Variants in PMM1 observed in about 807,000 individuals in gnomAD.
PMM1 encodes brain glucose-1,6-bisphosphatase.
PMM1 carries 25 observed loss-of-function variants against 34.0 expected under a neutral mutation model. That is an observed-to-expected ratio of 0.73 (90% confidence interval 0.54 to 1.03). The LOEUF (loss-of-function observed/expected upper bound fraction) is 1.03. Among genes scored for constraint, PMM1 ranks in the 50% least tolerant of loss-of-function variants. The pLI, the probability that PMM1 is intolerant of heterozygous loss-of-function variation, is 0.00. For synonymous variants in PMM1, 134 were observed against 143.9 expected (o/e 0.93, Z 0.49); for missense variants, 321 against 350.1 (o/e 0.92, Z 0.66).
rs1449383182 is a variant in PMM1, at chr22:41,589,785, T to A, written c.21A>T (p.Ala7=). Residue 7 remains alanine (A), a synonymous_variant, in exon 1 of 8, where the codon GCA becomes GCT. Transcript: ENST00000216259. MAVTAQ[A]ARRKERVLCL... The stretch of plus-strand genomic sequence containing the variant: ...AGAGGACGCGCTCCTTCCTGCGGGC[T>A]GCCTGGGCGGTGACTGCCATGGCTG... 1 of 1,608,946 alleles carries A rather than the reference T, an allele frequency of 6.2e-7. No individual in the cohort carries two copies. Among genetic ancestry groups the A allele is most frequent in the Non-Finnish European group, 8.5e-7 (1 of 1,178,490 alleles).
rs1311455919 is a variant in PMM1 at position 41,577,232 on chromosome 22, G to A, written c.*86C>T. ...GCAGGCGTCCTGGGCCAGAGGAGGG[G>A]CCCTGGCATCTATCCAACACCAGGA... is the stretch of plus-strand genomic sequence containing the variant. On this transcript the variant is annotated 3_prime_UTR_variant, in exon 8 of 8. Coordinates refer to ENST00000216259, the MANE Select transcript of PMM1 (RefSeq NM_002676.3). The A allele has an allele frequency of 6.4e-7, 1 of 1,563,284 alleles. No individual in the cohort carries two copies.
At chr22:41,586,042 TC>T (rs1473392477) in intron 2 of PMM1, 33 bp downstream of exon 2, 2 of 1,497,364 alleles carry the variant, frequency 1.3e-6, no homozygotes, top group Non-Finnish European at 1.8e-6. Flanking sequence ...TCTCTCAAAC[TC>T]CCCACTCCCT....
intron 2 of PMM1, chr22:41,584,833 G>T: frequency 4.1e-6 from 2 of 482,838 alleles, no homozygotes; most frequent in Non-Finnish European, 7.4e-6. Context: ...ATCCATGCAG[G>T]TCCTTCTGTC....
At chr22:41,588,160 C>T (rs996964346) in intron 1 of PMM1, among the ~76,000 whole-genome samples, 17 of 152,354 alleles carry the variant, frequency 1.1e-4, no homozygotes, top group Admixed American at 8.5e-4. Flanking sequence ...AATCGATTCT[C>T]CTGCCTCTGC....
chr22:41,577,231 G>A lies in PMM1; in HGVS notation c.*87C>T. 1 of 1,563,090 alleles carries A rather than the reference G, an allele frequency of 6.4e-7. No individual in the cohort carries two copies. The highest frequency in any genetic ancestry group is 8.8e-7 in the Non-Finnish European group (1 of 1,142,738). ...AGCAGGCGTCCTGGGCCAGAGGAGG[G>A]GCCCTGGCATCTATCCAACACCAGG... On this transcript the variant is annotated 3_prime_UTR_variant, in exon 8 of 8. Transcript: ENST00000216259.
chr22:41,584,916 T>G, intron 2 of PMM1: 1 of 300,142 alleles, frequency 3.3e-6, no homozygotes, highest in East Asian at 7.0e-5. Flanking sequence ...AGCCATGCAG[T>G]ACTCTCTGGC....
At chr22:41,578,005 A>G (rs1273070976) in intron 6 of PMM1, 82 bp from the exon 7 acceptor site, 23 of 1,030,422 alleles carry the variant, frequency 2.2e-5, no homozygotes, top group African/African-American at 3.1e-5. Context: ...TCATTCATTC[A>G]TTCAACAACC....
chr22:41,583,660 G>C (rs961084392), intron 5 of PMM1, among the ~76,000 whole-genome samples: 2 of 152,014 alleles, frequency 1.3e-5, no homozygotes, highest in Non-Finnish European at 2.9e-5. Flanking sequence ...ACACTGACTC[G>C]AGAGGCTGAT....
chr22:41,584,822 C>T (rs2067289717), intron 2 of PMM1: 2 of 523,500 alleles, frequency 3.8e-6, no homozygotes, highest in Non-Finnish European at 3.4e-6. Flanking sequence ...TGCACACAGG[C>T]ATCCATGCAG....
intron 5 of PMM1, chr22:41,580,543 G>A (rs771043654): frequency 2.6e-5 from 4 of 152,204 alleles, no homozygotes; most frequent in Non-Finnish European, 4.4e-5. Flanking sequence ...TGAGGCACAC[G>A]TTAGTAAAGA....
chr22:41,583,222 G>A (rs1171231130), intron 5 of PMM1, among the ~76,000 whole-genome samples: 1 of 152,180 alleles, frequency 6.6e-6, no homozygotes, highest in Admixed American at 6.5e-5. Context: ...GCTCATGCCT[G>A]TAATCCCAGA....
chr22:41,577,359 ATC>A lies in PMM1; in HGVS notation c.746_747del (p.Arg249LeufsTer12). 5 of 1,613,000 alleles carry A rather than the reference ATC, an allele frequency of 3.1e-6. No individual in the cohort carries two copies. Among genetic ancestry groups the A allele is most frequent in the Non-Finnish European group, 3.4e-6 (4 of 1,180,004 alleles). On this transcript the variant is annotated frameshift_variant, in exon 8 of 8. Coordinates refer to ENST00000216259, the MANE Select transcript of PMM1 (RefSeq NM_002676.3). LOFTEE classifies it high-confidence loss of function. ...SVVSPQDTVQ[R>X]CREIFFPETA... ...GTCTCTGGGAAGAAAATCTCCCGGC[ATC>A]GCTGCACCGTGTCCTGAGGAGACAC...
chr22:41,578,727 G>T, intron 6 of PMM1, 79 bp downstream of exon 6: 1 of 1,237,578 alleles, frequency 8.1e-7, no homozygotes, highest in South Asian at 1.2e-5. Flanking sequence ...GGGGGCCACA[G>T]CCTGGTCTTG....
Position 41,578,801 on chromosome 22 carries a change from C to T in PMM1, c.550+5G>A, listed in dbSNP as rs35330287. ...CCTCCCAGGTCCTCTGCAGGGTGGA[C>T]GTACCTCGAGAGAACCTCAGCCCTT... On this transcript the variant is annotated splice_donor_5th_base_variant and intron_variant, in intron 6 of 7. Coordinates refer to ENST00000216259, the MANE Select transcript of PMM1 (RefSeq NM_002676.3). The T allele has an allele frequency of 6.4e-4, 1,029 of 1,613,108 alleles. 2 individuals are homozygous for T. Among genetic ancestry groups the T allele is most frequent in the African/African-American group, 2.5e-3 (186 of 74,996 alleles).
At chr22:41,587,144 C>CT (rs1283292615) in intron 1 of PMM1, among the ~76,000 whole-genome samples, 1 of 151,910 alleles carries the variant, frequency 6.6e-6, no homozygotes, top group Non-Finnish European at 1.5e-5. Flanking sequence ...TGGCACGCGC[C>CT]TGTAGTCCCA....
intron 6 of PMM1, 111 bp from the exon 7 acceptor site, chr22:41,578,034 G>T: frequency 1.3e-6 from 1 of 742,638 alleles, no homozygotes; most frequent in Non-Finnish European, 2.4e-6. Context: ...CCTACTGAGG[G>T]CCAGGAATAG....
At chr22:41,582,925 G>A (rs1398942462) in intron 5 of PMM1, among the ~76,000 whole-genome samples, 1 of 152,118 alleles carries the variant, frequency 6.6e-6, no homozygotes, top group South Asian at 2.1e-4. Context: ...GGAGGCGGTG[G>A]GGAGAAAAGC....
chr22:41,588,499 G>A (rs1235156625), intron 1 of PMM1, among the ~76,000 whole-genome samples: 6 of 152,224 alleles, frequency 3.9e-5, no homozygotes, highest in Non-Finnish European at 7.3e-5. Context: ...GATTACAGGC[G>A]TGAGCCACTG....
chr22:41,584,491 TG>T (rs771246343), intron 3 of PMM1, 35 bp downstream of exon 3: 1 of 1,590,418 alleles, frequency 6.3e-7, no homozygotes, highest in African/African-American at 1.3e-5. Context: ...TATGGAAAAG[TG>T]GGGTGCCCCT....
Sources: gnomAD v4.1 joint callset for allele counts (sites outside exome capture counted in the v4.1 genomes callset) on GRCh38, gnomAD v4.1.1 for gene constraint, MANE v1.5 for transcripts, NCBI Gene and HGNC (gene_info 2026-07-23, HGNC 2026-07-21) for gene names.